Variants in ZNF827 observed in about 807,000 individuals in gnomAD.
The protein encoded by ZNF827 is zinc finger protein 827.
Under a neutral mutation model 102.4 loss-of-function variants are expected in ZNF827, and 13 were observed. The observed-to-expected ratio is 0.13, with a 90% CI of 0.08 to 0.20. ZNF827 has a LOEUF of 0.20. Ranked by LOEUF, ZNF827 falls within the 10% of genes least tolerant of loss-of-function variation. The pLI is 1.00. For synonymous variants in ZNF827, 523 were observed against 536.2 expected (o/e 0.98, Z 0.34); for missense variants, 1,103 against 1,344.4 (o/e 0.82, Z 2.81).
chr4:145,926,696 C>T (rs946730537), intron 1 of ZNF827, among the ~76,000 whole-genome samples: 2 of 152,092 alleles, frequency 1.3e-5, no homozygotes, highest in South Asian at 4.2e-4. Context: ...TAAGCATATA[C>T]TACTTTTGTC....
chr4:145,852,129 A>ATACT (rs1408139280), intron 5 of ZNF827, among the ~76,000 whole-genome samples: 1 of 152,216 alleles, frequency 6.6e-6, no homozygotes, highest in Non-Finnish European at 1.5e-5. Flanking sequence ...ACACAAAAGA[A>ATACT]TACTAGGACA....
chr4:145,765,226 T>A lies in ZNF827; in HGVS notation c.3053-61A>T. 1.3e-6 allele frequency: 2 copies of A among 1,499,198 alleles called. No homozygotes were observed. The highest frequency in any genetic ancestry group is 4.7e-5 in the East Asian group (2 of 42,822). 92.9% of individuals were successfully genotyped at this position (1,499,198 alleles called of 1,614,324 possible). On this transcript the variant is annotated intron_variant, in intron 12 of 14. Transcript: ENST00000508784. The surrounding 1 kb of genome is among the most constrained non-coding windows in gnomAD (Gnocchi z 4.7). ...GGCAGCGGGGAGAGGAGGGCAGGAG[T>A]GGAGCCAAGCTCCTCCCCACTTCCT... is the stretch of plus-strand genomic sequence containing the variant.
intron 8 of ZNF827, among the ~76,000 whole-genome samples, chr4:145,801,469 A>G (rs1225809976): frequency 6.6e-6 from 1 of 152,218 alleles, no homozygotes; most frequent in Non-Finnish European, 1.5e-5. Context: ...CCATGGGATC[A>G]GCTAATTCAA....
At chr4:145,885,654 G>T in intron 4 of ZNF827, 24 bp downstream of exon 4, 2 of 1,128,784 alleles carry the variant, frequency 1.8e-6, no homozygotes, top group Non-Finnish European at 2.5e-6. Flanking sequence ...GAGAGAGAGA[G>T]AGAATACAAC....
intron 1 of ZNF827, among the ~76,000 whole-genome samples, chr4:145,927,185 C>T (rs549923579): frequency 3.9e-5 from 6 of 152,224 alleles, no homozygotes; most frequent in African/African-American, 1.4e-4. Flanking sequence ...CAAACAAGTG[C>T]AGATTAGAAA....
chr4:145,783,224 T>C lies in ZNF827; in HGVS notation c.2384-3713A>G, dbSNP rs563109355. On this transcript the variant is annotated intron_variant, in intron 8 of 14. Coordinates refer to ENST00000508784, the MANE Select transcript of ZNF827 (RefSeq NM_001306215.2). ...CAGCATTAGCACAATCTCTGCTACA[T>C]AAGAGGTGCTTAGTATATATTTGTT... is the stretch of plus-strand genomic sequence containing the variant. Among the ~76,000 whole-genome samples, 16 of 152,332 alleles carry C rather than the reference T, an allele frequency of 1.1e-4. 1 individual carries two copies. The East Asian group carries it at 3.1e-3, about 29-fold the overall frequency.
chr4:145,897,210 C>A (rs1751045322), intron 2 of ZNF827, among the ~76,000 whole-genome samples: 1 of 152,106 alleles, frequency 6.6e-6, no homozygotes, highest in Admixed American at 6.5e-5. Flanking sequence ...ACAACAACAA[C>A]AAAACTTCAT....
At chr4:145,766,495 C>G (rs930620138) in intron 11 of ZNF827, among the ~76,000 whole-genome samples, 1 of 152,192 alleles carries the variant, frequency 6.6e-6, no homozygotes, top group East Asian at 1.9e-4. Flanking sequence ...CCTTGAGACT[C>G]TCCAGGCTTC....
chr4:145,796,712 C>T (rs1225569822), intron 8 of ZNF827, among the ~76,000 whole-genome samples: 3 of 150,548 alleles, frequency 2.0e-5, no homozygotes. Context: ...TCACTGCAAC[C>T]TCTGCCTCCC....
At chr4:145,865,075 A>G (rs1748063161) in intron 5 of ZNF827, among the ~76,000 whole-genome samples, 1 of 152,236 alleles carries the variant, frequency 6.6e-6, no homozygotes, top group South Asian at 2.1e-4. Context: ...ACATGGTCTT[A>G]GATTATGTAG....
intron 4 of ZNF827, among the ~76,000 whole-genome samples, chr4:145,883,140 C>T (rs1426325785): frequency 6.6e-6 from 1 of 151,960 alleles, no homozygotes; most frequent in Non-Finnish European, 1.5e-5. Flanking sequence ...GCTGCATTGC[C>T]ACAGTCACCA....
intron 2 of ZNF827, among the ~76,000 whole-genome samples, chr4:145,901,090 T>C (rs950257377): frequency 6.6e-6 from 1 of 152,222 alleles, no homozygotes; most frequent in African/African-American, 2.4e-5. Context: ...TGGAAATTTG[T>C]CATAAATGCA....
chr4:145,775,082 G>C (rs995957440), intron 10 of ZNF827, among the ~76,000 whole-genome samples: 1 of 152,110 alleles, frequency 6.6e-6, no homozygotes, highest in Non-Finnish European at 1.5e-5. Context: ...ACCTCTCTCT[G>C]GCTCTGGAAA....
intron 2 of ZNF827, among the ~76,000 whole-genome samples, chr4:145,899,595 C>T (rs544873753): frequency 1.3e-5 from 2 of 152,186 alleles, no homozygotes; most frequent in Non-Finnish European, 2.9e-5. Context: ...AGAACTTGAA[C>T]GTAGGATGGG....
Position 145,764,962 on chromosome 4 carries a change from A to G in ZNF827, c.3230+26T>C, listed in dbSNP as rs1460069866. On this transcript the variant is annotated intron_variant, in intron 13 of 14. Transcript: ENST00000508784. ...AAGGGTATTTAATAACAACGCAGTA[A>G]AAGGTTCTGTACTTGCTTTCCTTAC... The G allele has an allele frequency of 1.9e-6, 3 of 1,609,764 alleles. No homozygotes were observed. In the Admixed American group the frequency reaches 5.0e-5, roughly 27 times the overall value.
intron 8 of ZNF827, among the ~76,000 whole-genome samples, chr4:145,796,036 C>T (rs534280504): frequency 2.6e-4 from 39 of 152,332 alleles, no homozygotes; most frequent in Admixed American, 2.4e-3. Flanking sequence ...TCCCAGGTGA[C>T]TCCACTGAAC....
In ZNF827 at chr4:145,760,867, C is replaced by G; in HGVS notation, c.*749G>C. Reference sequence around the variant, plus strand: ...GATGCTGGGAGGCGCAGTCTGAGGTCGGGGAGGGTGGAATGTGAGATCCAA... The same window carrying G: ...GATGCTGGGAGGCGCAGTCTGAGGTGGGGGAGGGTGGAATGTGAGATCCAA... On this transcript the variant is annotated 3_prime_UTR_variant, in exon 15 of 15. Coordinates refer to ENST00000508784, the MANE Select transcript of ZNF827 (RefSeq NM_001306215.2). 8.2e-7 allele frequency: 1 copy of G among 1,222,060 alleles called. No individual in the cohort carries two copies. The allele number at this position is 1,222,060 out of a possible 1,614,324, so 75.7% of individuals were successfully genotyped here.
intron 5 of ZNF827, among the ~76,000 whole-genome samples, chr4:145,856,985 G>GCACACACACA (rs70956877): frequency 4.3e-5 from 6 of 140,146 alleles, no homozygotes; most frequent in African/African-American, 1.1e-4. Context: ...GCACGCGCAC[G>GCACACACACA]CACACACACA....
intron 7 of ZNF827, chr4:145,835,136 C>G (rs1000844220): frequency 2.6e-5 from 4 of 152,262 alleles, no homozygotes; most frequent in African/African-American, 9.6e-5. Flanking sequence ...CACCTAGCAG[C>G]CACTCCCAGA....
Sources: gnomAD v4.1 joint callset for allele counts (sites outside exome capture counted in the v4.1 genomes callset) on GRCh38, gnomAD v4.1.1 for gene constraint, Gnocchi (gnomAD v3.1) non-coding constraint, MANE v1.5 for transcripts, NCBI Gene and HGNC (gene_info 2026-07-23, HGNC 2026-07-21) for gene names.